ABLIM3: variants seen among roughly 807,000 people sequenced by gnomAD.
ABLIM3 encodes actin binding LIM protein family member 3, also known as actin-binding LIM protein 3.
Under a neutral mutation model 109.5 loss-of-function variants are expected in ABLIM3, and 61 were observed. The ratio of observed to expected loss-of-function variants is 0.56; its 90% CI spans 0.45 to 0.69. The LOEUF is 0.69. ABLIM3 is among the 30% of genes least tolerant of loss of function. The probability of loss-of-function intolerance (pLI) is 0.00; values close to 1 mark genes in which losing one functional copy is unlikely to be tolerated. For missense variants in ABLIM3, 796 were observed against 889.5 expected (o/e 0.89, Z 1.34); for synonymous variants, 300 against 324.8 (o/e 0.92, Z 0.82).
At chr5:149,196,840 C>A (rs1308417017) in intron 3 of ABLIM3, among the ~76,000 whole-genome samples, 3 of 152,212 alleles carry the variant, frequency 2.0e-5, no homozygotes, top group African/African-American at 2.4e-5. Context: ...ACAAGTAAAT[C>A]TCATATTTCT....
intron 23 of ABLIM3, among the ~76,000 whole-genome samples, chr5:149,253,772 TG>T (rs1453570459): frequency 6.6e-6 from 1 of 152,206 alleles, no homozygotes; most frequent in East Asian, 1.9e-4. Context: ...CCTCTGGTGC[TG>T]GAGCACACTC....
chr5:149,201,947 C>T (rs1326177001), intron 5 of ABLIM3, among the ~76,000 whole-genome samples: 2 of 152,258 alleles, frequency 1.3e-5, no homozygotes, highest in African/African-American at 4.8e-5. Flanking sequence ...AATTTCCTAT[C>T]TTCCTCACAG....
chr5:149,248,471 C>T (rs1452370103), intron 18 of ABLIM3, among the ~76,000 whole-genome samples: 1 of 152,026 alleles, frequency 6.6e-6, no homozygotes, highest in East Asian at 1.9e-4. Context: ...GCGGGCAGAT[C>T]ATGAGGTCAG....
intron 3 of ABLIM3, among the ~76,000 whole-genome samples, chr5:149,195,954 T>C (rs929758060): frequency 6.6e-5 from 10 of 152,236 alleles, no homozygotes; most frequent in African/African-American, 2.4e-4. Context: ...AGGAAGCTTT[T>C]CTTCTCATAG....
intron 15 of ABLIM3, 135 bp from the exon 16 acceptor site, chr5:149,244,746 A>C: frequency 9.0e-7 from 1 of 1,108,694 alleles, no homozygotes; most frequent in Non-Finnish European, 1.3e-6. Flanking sequence ...TCCATGGCCC[A>C]GTTCTAACAG....
At chr5:149,231,891 A>G (rs1381451340) in intron 9 of ABLIM3, among the ~76,000 whole-genome samples, 1 of 152,254 alleles carries the variant, frequency 6.6e-6, no homozygotes, top group Admixed American at 6.5e-5. Context: ...CGTGAAAACC[A>G]GTAATACTTG....
chr5:149,150,559 C>A (rs372798160), intron 2 of ABLIM3, among the ~76,000 whole-genome samples: 8 of 152,104 alleles, frequency 5.3e-5, no homozygotes, highest in Non-Finnish European at 8.8e-5. Flanking sequence ...ACTTGGATTG[C>A]GTAAAGGAAG....
chr5:149,194,200 T>C (rs563015463), intron 3 of ABLIM3, among the ~76,000 whole-genome samples: 1 of 152,264 alleles, frequency 6.6e-6, no homozygotes, highest in South Asian at 2.1e-4. Flanking sequence ...ATTTCCAAAA[T>C]ATATTAAGAA....
intron 2 of ABLIM3, among the ~76,000 whole-genome samples, chr5:149,153,695 A>G (rs1753637063): frequency 6.6e-6 from 1 of 152,230 alleles, no homozygotes; most frequent in African/African-American, 2.4e-5. Context: ...TTGAAGGAAC[A>G]GTAGGAAGAC....
intron 3 of ABLIM3, among the ~76,000 whole-genome samples, chr5:149,188,663 A>G (rs1427581173): frequency 1.3e-5 from 2 of 152,198 alleles, no homozygotes; most frequent in African/African-American, 4.8e-5. Context: ...TTGTTTTAAG[A>G]GTACTAATCT....
chr5:149,179,715 A>C (rs1229631469), intron 2 of ABLIM3, among the ~76,000 whole-genome samples: 1 of 151,980 alleles, frequency 6.6e-6, no homozygotes, highest in Non-Finnish European at 1.5e-5. Context: ...GTTTTTAACT[A>C]TCAGGCTGTA....
At chr5:149,194,850 G>T (rs992190962) in intron 3 of ABLIM3, among the ~76,000 whole-genome samples, 1 of 152,172 alleles carries the variant, frequency 6.6e-6, no homozygotes, top group African/African-American at 2.4e-5. Flanking sequence ...AGGAGAACAG[G>T]CTTCTAAGGA....
intron 3 of ABLIM3, among the ~76,000 whole-genome samples, chr5:149,192,408 C>G (rs1006992234): frequency 1.1e-4 from 17 of 151,810 alleles, no homozygotes; most frequent in Non-Finnish European, 2.9e-5. Flanking sequence ...AGAATCAAAA[C>G]TTTAACCTAT....
At chr5:149,230,531 C>A in intron 8 of ABLIM3, 118 bp from the exon 9 acceptor site, 1 of 1,068,784 alleles carries the variant, frequency 9.4e-7, no homozygotes, top group South Asian at 1.3e-5. Context: ...CCAAGAGGGC[C>A]CTTCTGGCAG....
Position 149,198,506 on chromosome 5 carries a change from TGC to T in ABLIM3, c.335+105_335+106del, listed in dbSNP as rs1758194236. The T allele has an allele frequency of 6.6e-6, 9 of 1,372,236 alleles. No homozygotes were observed. Among genetic ancestry groups the T allele is most frequent in the Non-Finnish European group, 8.7e-6 (9 of 1,030,478 alleles). 85.0% of individuals were successfully genotyped at this position (1,372,236 alleles called of 1,614,324 possible). ...GTTCTGGGGTTTACAAGGTTTGTGC[TGC>T]ACATTTAGATTTCTGGAACCTCAGG... On this transcript the variant is annotated intron_variant, in intron 4 of 23. Transcript: ENST00000309868. This position sits in a 1 kb window ranked among gnomAD's most constrained non-coding sequence, Gnocchi z 4.2.
chr5:149,209,967 C>A (rs563739741), intron 6 of ABLIM3, among the ~76,000 whole-genome samples: 56 of 136,418 alleles, frequency 4.1e-4, no homozygotes, highest in African/African-American at 1.6e-3. Context: ...CTCTTACACC[C>A]AAAAGTGAAA....
intron 8 of ABLIM3, chr5:149,217,790 C>G (rs1760246420): frequency 6.6e-6 from 1 of 152,242 alleles, no homozygotes; most frequent in African/African-American, 2.4e-5. Context: ...CCTTTGTAGC[C>G]TTGAACATAC....
At chr5:149,252,291 G>A (rs1754007578) in intron 22 of ABLIM3, 83 bp downstream of exon 22, 2 of 1,493,884 alleles carry the variant, frequency 1.3e-6, no homozygotes, top group African/African-American at 1.4e-5. Flanking sequence ...TGACAGCACT[G>A]TCTATGTAGG....
At position 149,259,296 on chromosome 5, in the gene ABLIM3, C is replaced by T; in HGVS notation, c.*892C>T. On this transcript the variant is annotated 3_prime_UTR_variant, in exon 24 of 24. Coordinates refer to ENST00000309868, the MANE Select transcript of ABLIM3 (RefSeq NM_014945.5). The stretch of plus-strand genomic sequence containing the variant: ...TCTTTCAAGGAGAAGCCCATGATTG[C>T]AGCTTGTATTCTTTAGCCTTATTAC... The T allele has an allele frequency of 1.5e-6, 2 of 1,377,234 alleles. No homozygotes were observed. Among genetic ancestry groups the T allele is most frequent in the African/African-American group, 1.5e-5 (1 of 68,382 alleles). The allele number at this position is 1,377,234 out of a possible 1,614,324, so 85.3% of individuals were successfully genotyped here.
Sources: allele counts gnomAD v4.1 joint callset (sites outside exome capture counted in the v4.1 genomes callset), GRCh38; gene constraint gnomAD v4.1.1; non-coding constraint Gnocchi (gnomAD v3.1); transcripts MANE v1.5; gene names NCBI Gene and HGNC (gene_info 2026-07-23, HGNC 2026-07-21).